The following NELL1 variants were observed in gnomAD, a reference collection of about 807,000 sequenced individuals.
NELL1 encodes the protein neural EGFL like 1.
NELL1 carries 76 observed loss-of-function variants against 107.4 expected under a neutral mutation model. The ratio of observed to expected loss-of-function variants is 0.71; its 90% CI spans 0.59 to 0.86. NELL1 has a LOEUF of 0.86. NELL1 is among the 40% of genes least tolerant of loss of function. NELL1 has a pLI of 0.00. For synonymous variants in NELL1, 353 were observed against 341.2 expected, an observed-to-expected ratio of 1.03 and a Z score of -0.38; for missense variants, 1,024 against 1,005.5, an observed-to-expected ratio of 1.02 and a Z score of -0.25.
intron 2 of NELL1, among the ~76,000 whole-genome samples, chr11:20,681,622 A>C (rs2133854546): frequency 6.6e-6 from 1 of 152,190 alleles, no homozygotes; most frequent in East Asian, 1.9e-4. Context: ...AGTTACCTAA[A>C]GTTTGCATTG....
chr11:20,924,836 A>G (rs1004855261), intron 7 of NELL1, among the ~76,000 whole-genome samples: 5 of 152,236 alleles, frequency 3.3e-5, no homozygotes, highest in African/African-American at 1.2e-4. Flanking sequence ...AAGTAAAGAT[A>G]AGTGATAAGT....
intron 13 of NELL1, among the ~76,000 whole-genome samples, chr11:21,199,669 TCA>T (rs1214464566): frequency 6.6e-6 from 1 of 152,176 alleles, no homozygotes; most frequent in East Asian, 1.9e-4. Flanking sequence ...TAATTATACT[TCA>T]AGTGTTGGGG....
At chr11:21,468,453 G>C (rs1328900268) in intron 15 of NELL1, among the ~76,000 whole-genome samples, 1 of 151,330 alleles carries the variant, frequency 6.6e-6, no homozygotes, top group African/African-American at 2.4e-5. Flanking sequence ...CCAATAAGTT[G>C]GCAATAAAAA....
intron 14 of NELL1, among the ~76,000 whole-genome samples, chr11:21,320,806 C>T (rs568054635): frequency 3.9e-5 from 6 of 152,254 alleles, no homozygotes; most frequent in Non-Finnish European, 7.4e-5. Flanking sequence ...CAGGATGAGA[C>T]CCCTGAAATA....
intron 18 of NELL1, among the ~76,000 whole-genome samples, chr11:21,571,911 T>C (rs965320604): frequency 6.6e-6 from 1 of 151,906 alleles, no homozygotes; most frequent in Non-Finnish European, 1.5e-5. Flanking sequence ...ATGATTCTCA[T>C]TTTATGGGTA....
intron 15 of NELL1, among the ~76,000 whole-genome samples, chr11:21,465,374 T>C (rs955468645): frequency 2.0e-5 from 3 of 152,110 alleles, no homozygotes; most frequent in African/African-American, 7.2e-5. Context: ...AGGAAGCTTC[T>C]TGTTTTCAGC....
chr11:21,419,860 C>T (rs1590918573), intron 15 of NELL1, among the ~76,000 whole-genome samples: 2 of 152,028 alleles, frequency 1.3e-5, no homozygotes, highest in Non-Finnish European at 2.9e-5. Flanking sequence ...TCTTTTATTC[C>T]TGATACTTAT....
At chr11:21,466,527 G>A (rs1002837769) in intron 15 of NELL1, among the ~76,000 whole-genome samples, 4 of 152,124 alleles carry the variant, frequency 2.6e-5, no homozygotes, top group African/African-American at 9.7e-5. Flanking sequence ...GTGCTCAGTG[G>A]AAAGAGATGA....
chr11:21,044,505 G>A (rs1590577638), intron 12 of NELL1, among the ~76,000 whole-genome samples: 1 of 152,116 alleles, frequency 6.6e-6, no homozygotes, highest in African/African-American at 2.4e-5. Flanking sequence ...TTGTTTTGCT[G>A]TTGTTTGGTT....
At chr11:21,516,736 C>A (rs1247628245) in intron 15 of NELL1, among the ~76,000 whole-genome samples, 1 of 143,582 alleles carries the variant, frequency 7.0e-6, no homozygotes, top group Non-Finnish European at 1.5e-5. Flanking sequence ...CACACACACA[C>A]ACATACACAC....
Position 20,783,819 on chromosome 11 carries a change from A to C in NELL1, c.324A>C (p.Glu108Asp). 6.2e-7 allele frequency: 1 copy of C among 1,611,548 alleles called. No individual in the cohort carries two copies. The change falls in exon 3 of 20, where the codon GAA becomes GAC. Residue 108 changes from glutamate to aspartate, a missense_variant. Transcript: ENST00000357134. Reference sequence around the variant, plus strand: ...CAGGAGTGATACTGTCCATTCGAGAACTGGAGCACAGGTAAGAAAGCTCTT... The same window carrying C: ...CAGGAGTGATACTGTCCATTCGAGACCTGGAGCACAGGTAAGAAAGCTCTT... ...STSGVILSIR[E>D]LEHSYFELES...
intron 2 of NELL1, among the ~76,000 whole-genome samples, chr11:20,755,848 G>A (rs1041933583): frequency 1.4e-5 from 2 of 140,536 alleles, no homozygotes; most frequent in Non-Finnish European, 3.0e-5. Context: ...GAGCCACCAC[G>A]CCCAGCCAGA....
chr11:20,930,722 G>A (rs2134176264), intron 9 of NELL1, among the ~76,000 whole-genome samples: 1 of 151,266 alleles, frequency 6.6e-6, no homozygotes, highest in Admixed American at 6.6e-5. Flanking sequence ...TAATTTGTTT[G>A]ATAGTTTTAG....
chr11:20,884,378 A>G (rs1849466082), intron 4 of NELL1, among the ~76,000 whole-genome samples: 1 of 152,204 alleles, frequency 6.6e-6, no homozygotes, highest in Non-Finnish European at 1.5e-5. Context: ...GGACACACCT[A>G]GGAATGATTC....
chr11:21,461,291 CTTA>C (rs1480853143), intron 15 of NELL1, among the ~76,000 whole-genome samples: 1 of 152,084 alleles, frequency 6.6e-6, no homozygotes, highest in East Asian at 1.9e-4. Context: ...GGACCCACCA[CTTA>C]TTAGTAGTTT....
intron 14 of NELL1, among the ~76,000 whole-genome samples, chr11:21,308,383 G>C (rs1430011731): frequency 6.6e-6 from 1 of 152,040 alleles, no homozygotes; most frequent in Non-Finnish European, 1.5e-5. Flanking sequence ...CTCTGAGAAG[G>C]CTGGGTAATA....
At chr11:20,782,656 T>G (rs1856873982) in intron 2 of NELL1, among the ~76,000 whole-genome samples, 1 of 152,202 alleles carries the variant, frequency 6.6e-6, no homozygotes, top group African/African-American at 2.4e-5. Context: ...TTCAAGGGCT[T>G]CCCATGTAGT....
chr11:21,125,603 T>A (rs187399193), intron 13 of NELL1, among the ~76,000 whole-genome samples: 1 of 152,324 alleles, frequency 6.6e-6, no homozygotes, highest in African/African-American at 2.4e-5. Context: ...TTCTAAATTG[T>A]GAGTTACAGG....
intron 15 of NELL1, among the ~76,000 whole-genome samples, chr11:21,523,448 C>T (rs1014430368): frequency 5.3e-5 from 8 of 152,120 alleles, no homozygotes; most frequent in African/African-American, 1.9e-4. Context: ...TGAGATTCCC[C>T]AGTCTGCTTT....
Sources: allele counts gnomAD v4.1 joint callset (sites outside exome capture counted in the v4.1 genomes callset), GRCh38; gene constraint gnomAD v4.1.1; transcripts MANE v1.5; gene names NCBI Gene and HGNC (gene_info 2026-07-23, HGNC 2026-07-21).